Variants in MAP4K5 observed in about 807,000 individuals in gnomAD.
MAP4K5 encodes the protein mitogen-activated protein kinase kinase kinase kinase 5, also known as MAPK/ERK kinase kinase kinase 5.
MAP4K5 carries 82 observed loss-of-function variants against 135.6 expected under a neutral mutation model. That is an observed-to-expected ratio of 0.60 (90% CI 0.51 to 0.73). The LOEUF is 0.73. MAP4K5 is among the 30% of genes least tolerant of loss of function. The pLI is 0.00. For synonymous variants in MAP4K5, 347 were observed against 335.0 expected (o/e 1.04, Z -0.39); for missense variants, 907 against 1,010.9 (o/e 0.90, Z 1.39).
chr14:50,504,560 A>C (rs1346681084), intron 3 of MAP4K5, among the ~76,000 whole-genome samples: 4 of 152,146 alleles, frequency 2.6e-5, no homozygotes, highest in Non-Finnish European at 5.9e-5. Flanking sequence ...TCATCTTAAA[A>C]GAAAATTACT....
At chr14:50,550,601 G>T (rs2038690270) in intron 1 of MAP4K5, among the ~76,000 whole-genome samples, 1 of 152,186 alleles carries the variant, frequency 6.6e-6, no homozygotes, top group Non-Finnish European at 1.5e-5. Flanking sequence ...TCTGCAGGAA[G>T]GCCTGATTGC....
At chr14:50,497,526 A>C (rs2037620082) in intron 3 of MAP4K5, among the ~76,000 whole-genome samples, 1 of 152,204 alleles carries the variant, frequency 6.6e-6, no homozygotes, top group African/African-American at 2.4e-5. Flanking sequence ...CTATTTGGCC[A>C]AACAGCCTAC....
chr14:50,488,825 A>G (rs1252721999), intron 3 of MAP4K5, among the ~76,000 whole-genome samples: 2 of 152,230 alleles, frequency 1.3e-5, no homozygotes, highest in Non-Finnish European at 2.9e-5. Context: ...TATTCTTCGT[A>G]TATCTGCTTC....
chr14:50,512,693 T>TAAA lies in MAP4K5; in HGVS notation c.109-7837_109-7836insTTT, dbSNP rs1239428943. ...TTTATAATGAAAGGCAAAGAGGCTT[T>TAAA]CAGAAAAAGAGATCTTCTAAACAGA... On this transcript the variant is annotated intron_variant, in intron 2 of 32. Coordinates refer to ENST00000682126, the MANE Select transcript of MAP4K5 (RefSeq NM_006575.6). Among the ~76,000 whole-genome samples the TAAA allele has an allele frequency of 3.3e-5, 5 of 152,164 alleles. No individual in the cohort carries two copies. The East Asian group carries it at 9.6e-4, about 29-fold the overall frequency.
intron 13 of MAP4K5, among the ~76,000 whole-genome samples, chr14:50,459,760 C>T (rs959482085): frequency 4.0e-5 from 6 of 151,114 alleles, no homozygotes; most frequent in Admixed American, 1.3e-4. Context: ...TGCAGTGGCG[C>T]GATCTTGGCT....
chr14:50,486,226 A>G lies in MAP4K5; in HGVS notation c.167-32T>C, dbSNP rs954074265. 9.5e-6 allele frequency: 7 copies of G among 739,972 alleles called. No individual in the cohort carries two copies. In the Admixed American group the frequency reaches 2.1e-4, roughly 23 times the overall value. 45.8% of individuals were successfully genotyped at this position (739,972 alleles called of 1,614,324 possible). On this transcript the variant is annotated intron_variant, in intron 3 of 32. Coordinates refer to ENST00000682126, the MANE Select transcript of MAP4K5 (RefSeq NM_006575.6). The stretch of plus-strand genomic sequence containing the variant: ...AACAAAATAAGTTGTTTATCATGTT[A>G]CTCAAAATCTCTACATATGAAAAGA...
chr14:50,505,722 GACCTTGGATGTTAAA>G (rs369038698), intron 2 of MAP4K5, among the ~76,000 whole-genome samples: 46 of 152,242 alleles, frequency 3.0e-4, no homozygotes, highest in African/African-American at 8.2e-4. Context: ...TACTGTCATC[GACCTTGGATGTTAAA>G]ACCTTGGATG....
upstream of MAP4K5, among the ~76,000 whole-genome samples, chr14:50,536,852 T>C (rs1256398632): frequency 6.6e-6 from 1 of 152,178 alleles, no homozygotes; most frequent in African/African-American, 2.4e-5. Context: ...AAGAGGTGGC[T>C]AGGGTGTTGT....
At chr14:50,463,987 T>G in intron 12 of MAP4K5, 65 bp downstream of exon 12, 1 of 877,424 alleles carries the variant, frequency 1.1e-6, no homozygotes, top group Non-Finnish European at 1.8e-6. Flanking sequence ...ACATAAATAC[T>G]TTTGTTCTAC....
At chr14:50,453,608 C>T (rs1246437272) in intron 14 of MAP4K5, among the ~76,000 whole-genome samples, 1 of 152,138 alleles carries the variant, frequency 6.6e-6, no homozygotes, top group Non-Finnish European at 1.5e-5. Flanking sequence ...GAGAAACAGA[C>T]TCAATTTCCA....
chr14:50,504,931 G>A (rs2037778689), intron 2 of MAP4K5, 74 bp from the exon 3 acceptor site: 2 of 857,556 alleles, frequency 2.3e-6, no homozygotes, highest in South Asian at 1.7e-5. Flanking sequence ...TTGGTACTAT[G>A]TTAATTGCTT....
chr14:50,427,547 T>TA (rs1566632432), intron 30 of MAP4K5, among the ~76,000 whole-genome samples: 1 of 152,190 alleles, frequency 6.6e-6, no homozygotes, highest in East Asian at 1.9e-4. Flanking sequence ...ATCGTGTTTT[T>TA]AAAAATATGT....
intron 3 of MAP4K5, among the ~76,000 whole-genome samples, chr14:50,499,657 A>T (rs1236317640): frequency 7.1e-6 from 1 of 141,752 alleles, no homozygotes; most frequent in Non-Finnish European, 1.5e-5. Context: ...GACCCTGTTT[A>T]AAAAAAAAAA....
intron 3 of MAP4K5, among the ~76,000 whole-genome samples, chr14:50,501,339 C>T (rs1030251276): frequency 6.6e-6 from 1 of 151,992 alleles, no homozygotes; most frequent in African/African-American, 2.4e-5. Context: ...CAAGGTCTTA[C>T]AAGCCATTCT....
chr14:50,504,836 C>G lies in MAP4K5; in HGVS notation c.130G>C (p.Glu44Gln). 6.4e-7 allele frequency: 1 copy of G among 1,556,280 alleles called. No individual in the cohort carries two copies. The highest frequency in any genetic ancestry group is 8.7e-7 in the Non-Finnish European group (1 of 1,149,954). Residue 44 changes from glutamate (E) to glutamine (Q), a missense_variant, in exon 3 of 33, where the codon GAG (glutamate) becomes CAG (glutamine). Transcript: ENST00000682126. Reference protein sequence around the residue: ...VYKARNVHTGELAAVKIIKLE... With the variant: ...VYKARNVHTGQLAAVKIIKLE... ...TTAATGATTTTTACTGCAGCCAGCTCTCCTGTGTGTACATTTCTGGCCTAA... is the reference window on the plus strand; with the variant it reads ...TTAATGATTTTTACTGCAGCCAGCTGTCCTGTGTGTACATTTCTGGCCTAA...
intron 14 of MAP4K5, 52 bp downstream of exon 14, chr14:50,456,464 C>G: frequency 7.9e-7 from 1 of 1,273,426 alleles, no homozygotes. Flanking sequence ...TACAAGAACA[C>G]GCAGCACAAC....
At chr14:50,465,225 C>T (rs904883791) in intron 11 of MAP4K5, among the ~76,000 whole-genome samples, 4 of 152,056 alleles carry the variant, frequency 2.6e-5, no homozygotes, top group Admixed American at 2.0e-4. Flanking sequence ...GGGGAGGGGC[C>T]TCTTAGAACC....
At chr14:50,510,025 A>G (rs1277532000) in intron 2 of MAP4K5, among the ~76,000 whole-genome samples, 7 of 152,212 alleles carry the variant, frequency 4.6e-5, no homozygotes, top group Admixed American at 4.6e-4. Context: ...TTCAACTCAT[A>G]TGACAATGAC....
chr14:50,466,687 T>C (rs765922389), intron 10 of MAP4K5, 42 bp from the exon 11 acceptor site: 1 of 831,586 alleles, frequency 1.2e-6, no homozygotes, highest in Non-Finnish European at 2.0e-6. Flanking sequence ...TCAAAATTAC[T>C]ACATCTAACA....
Sources: allele counts gnomAD v4.1 joint callset (sites outside exome capture counted in the v4.1 genomes callset), GRCh38; gene constraint gnomAD v4.1.1; transcripts MANE v1.5; gene names NCBI Gene and HGNC (gene_info 2026-07-23, HGNC 2026-07-21).